Variants in SAMD4A observed in about 807,000 individuals in gnomAD.
SAMD4A encodes the protein sterile alpha motif domain containing 4A.
In SAMD4A, 33 loss-of-function variants were observed where a neutral mutation model predicts 81.3. That is an observed-to-expected ratio of 0.41 (90% CI 0.31 to 0.54). The LOEUF (loss-of-function observed/expected upper bound fraction) is 0.54, where lower values mean the gene tolerates loss of function less well. SAMD4A is among the 20% of genes least tolerant of loss of function. The pLI is 0.37. For synonymous variants in SAMD4A, 389 were observed against 382.1 expected (o/e 1.02, Z -0.21); for missense variants, 854 against 951.1 (o/e 0.90, Z 1.34).
intron 3 of SAMD4A, among the ~76,000 whole-genome samples, chr14:54,719,335 G>A (rs1206765558): frequency 6.6e-6 from 1 of 152,184 alleles, no homozygotes; most frequent in Non-Finnish European, 1.5e-5. Flanking sequence ...CCGTGACAGA[G>A]TAGACTTGAA....
At chr14:54,607,995 G>A (rs2034258432) in intron 2 of SAMD4A, among the ~76,000 whole-genome samples, 1 of 134,520 alleles carries the variant, frequency 7.4e-6, no homozygotes, top group Non-Finnish European at 1.5e-5. Context: ...CAGCTTGGGT[G>A]ACAGAGCAAG....
chr14:54,775,484 C>T (rs1368271278), intron 10 of SAMD4A, among the ~76,000 whole-genome samples: 1 of 152,166 alleles, frequency 6.6e-6, no homozygotes, highest in Non-Finnish European at 1.5e-5. Flanking sequence ...AGTTTCTTGC[C>T]CTTTTTATCC....
rs562522827 is a variant in SAMD4A at position 54,739,756 on chromosome 14, C to T, written c.979+2469C>T. 2.0e-4 allele frequency among the ~76,000 whole-genome samples: 30 copies of T among 152,326 alleles called. No homozygotes were observed. In the South Asian group the frequency reaches 5.0e-3, roughly 25 times the overall value. On this transcript the variant is annotated intron_variant, in intron 4 of 12. Transcript: ENST00000554335. The stretch of plus-strand genomic sequence containing the variant: ...TTCCGCCACCAGATGTTATTCAAAA[C>T]GACTTCCTATGAGTGCACCCAAGGA...
chr14:54,684,756 G>A (rs776128701), intron 2 of SAMD4A, among the ~76,000 whole-genome samples: 1 of 152,248 alleles, frequency 6.6e-6, no homozygotes, highest in Non-Finnish European at 1.5e-5. Context: ...AAGGTAGTAG[G>A]GTGGTGGCAT....
chr14:54,736,820 A>G (rs1173504331), intron 3 of SAMD4A, among the ~76,000 whole-genome samples: 1 of 152,172 alleles, frequency 6.6e-6, no homozygotes, highest in Non-Finnish European at 1.5e-5. Context: ...GGAGAAACCT[A>G]ACCCACTGAG....
Position 54,760,172 on chromosome 14 carries a change from G to A in SAMD4A, c.1188G>A (p.Glu396=). The part of the protein sequence containing the change: ...LLKSLERDII[E]GGSLRIPLQE... The stretch of plus-strand genomic sequence containing the variant: ...CTCTCACCGTCCAGGACATCATCGA[G>A]GGGGGCAGCCTGCGCATCCCGCTCC... The change falls in exon 7 of 13, where the codon GAG becomes GAA. Residue 396 remains glutamate (E), a synonymous_variant. Transcript: ENST00000554335. 1.2e-6 allele frequency: 2 copies of A among 1,612,168 alleles called. No individual in the cohort carries two copies. The highest frequency in any genetic ancestry group is 1.7e-6 in the Non-Finnish European group (2 of 1,179,554).
At chr14:54,707,065 A>G (rs373314082) in intron 3 of SAMD4A, among the ~76,000 whole-genome samples, 115 of 151,668 alleles carry the variant, frequency 7.6e-4, no homozygotes, top group African/African-American at 2.4e-3. Context: ...CCTAGGTGGA[A>G]TTATTAGGAT....
chr14:54,663,325 T>C (rs555252282), intron 2 of SAMD4A, among the ~76,000 whole-genome samples: 5 of 152,276 alleles, frequency 3.3e-5, no homozygotes, highest in South Asian at 4.1e-4. Context: ...CCAAGCCCTA[T>C]AGAGTAGCAA....
intron 3 of SAMD4A, among the ~76,000 whole-genome samples, chr14:54,735,674 C>A (rs969833423): frequency 2.6e-5 from 4 of 152,204 alleles, no homozygotes; most frequent in African/African-American, 9.7e-5. Flanking sequence ...CCCACTACTG[C>A]CCCAGACACA....
At chr14:54,599,633 CT>C (rs2140217352) in intron 2 of SAMD4A, among the ~76,000 whole-genome samples, 1 of 152,310 alleles carries the variant, frequency 6.6e-6, no homozygotes, top group African/African-American at 2.4e-5. Flanking sequence ...ATTGACTTGT[CT>C]TAATCTTCTC....
At position 54,647,994 on chromosome 14, in the gene SAMD4A, C is replaced by A. The variant is rs867150240; in HGVS notation, c.197-54068C>A. Among the ~76,000 whole-genome samples the A allele has an allele frequency of 2.6e-5, 4 of 152,200 alleles. No individual in the cohort carries two copies. The South Asian group carries it at 8.3e-4, about 31-fold the overall frequency. ...ACAGCTGCACTGTTCAGTAGGGTGG[C>A]CACCAGCCACATGTGGCCCTTGAGC... is the stretch of plus-strand genomic sequence containing the variant. On this transcript the variant is annotated intron_variant, in intron 2 of 12. Transcript: ENST00000554335.
chr14:54,657,905 T>G (rs2035557037), intron 2 of SAMD4A, among the ~76,000 whole-genome samples: 1 of 152,180 alleles, frequency 6.6e-6, no homozygotes, highest in African/African-American at 2.4e-5. Flanking sequence ...GCTCTGTAGG[T>G]GTGAAAATAT....
At chr14:54,742,628 T>G (rs2037872908) in intron 4 of SAMD4A, among the ~76,000 whole-genome samples, 1 of 152,198 alleles carries the variant, frequency 6.6e-6, no homozygotes, top group Non-Finnish European at 1.5e-5. Context: ...CTTGCCTGTG[T>G]GAAGAGGGGT....
At chr14:54,700,566 A>T (rs775379434) in intron 2 of SAMD4A, among the ~76,000 whole-genome samples, 1 of 152,188 alleles carries the variant, frequency 6.6e-6, no homozygotes, top group Non-Finnish European at 1.5e-5. Context: ...AATTCCAGAA[A>T]CCCCTTCCAA....
At chr14:54,752,942 C>G (rs2139826758) in intron 6 of SAMD4A, among the ~76,000 whole-genome samples, 1 of 152,364 alleles carries the variant, frequency 6.6e-6, no homozygotes, top group East Asian at 1.9e-4. Flanking sequence ...ATGTTTCTCT[C>G]CACCCAAACA....
chr14:54,596,059 T>C (rs1183142285), intron 2 of SAMD4A, among the ~76,000 whole-genome samples: 1 of 152,216 alleles, frequency 6.6e-6, no homozygotes, highest in African/African-American at 2.4e-5. Context: ...GAGAAGGATC[T>C]TGGTCTTGTC....
intron 2 of SAMD4A, among the ~76,000 whole-genome samples, chr14:54,612,852 C>T (rs2034394395): frequency 6.6e-6 from 1 of 152,136 alleles, no homozygotes; most frequent in Non-Finnish European, 1.5e-5. Context: ...GGCATGGTGG[C>T]TCACGCCTGT....
At chr14:54,565,432 G>T (rs1017669478), upstream of SAMD4A, among the ~76,000 whole-genome samples, 2 of 152,226 alleles carry the variant, frequency 1.3e-5, no homozygotes, top group Non-Finnish European at 2.9e-5. The surrounding 1 kb of genome is among the most constrained non-coding windows in gnomAD (Gnocchi z 5.4). Flanking sequence ...AGGAGCCTGC[G>T]CCAGAGCAAA....
rs563560818 is a variant in SAMD4A, at chr14:54,600,955, A to C, written c.196+32843A>C. ...CATAGCTATGCCTTTAGTGAGCTGC[A>C]TTTCAGTATCTGGGTTTTGGCTTCT... On this transcript the variant is annotated intron_variant, in intron 2 of 12. Coordinates refer to ENST00000554335, the MANE Select transcript of SAMD4A (RefSeq NM_015589.6). Among the ~76,000 whole-genome samples, 27 of 152,316 alleles carry C rather than the reference A, an allele frequency of 1.8e-4. 1 individual carries two copies. In the South Asian group the frequency reaches 5.6e-3, roughly 32 times the overall value.
Sources: gnomAD v4.1 joint callset for allele counts (sites outside exome capture counted in the v4.1 genomes callset) on GRCh38, gnomAD v4.1.1 for gene constraint, Gnocchi (gnomAD v3.1) non-coding constraint, MANE v1.5 for transcripts, NCBI Gene and HGNC (gene_info 2026-07-23, HGNC 2026-07-21) for gene names.